The following IL1RAPL2 variants were observed in gnomAD, a reference collection of about 807,000 sequenced individuals.
IL1RAPL2 encodes X-linked interleukin-1 receptor accessory protein-like 2.
IL1RAPL2 carries 3 observed loss-of-function variants against 44.1 expected under a neutral mutation model. The observed-to-expected ratio is 0.07, with a 90% CI of 0.03 to 0.18. The LOEUF is 0.18. IL1RAPL2 is among the 10% of genes least tolerant of loss of function. IL1RAPL2 has a pLI of 1.00. For synonymous variants in IL1RAPL2, 181 were observed against 178.8 expected, an observed-to-expected ratio of 1.01 and a Z score of -0.10; for missense variants, 391 against 496.4, an observed-to-expected ratio of 0.79 and a Z score of 2.02.
At chrX:105,747,997 G>T (rs936710935) in intron 8 of IL1RAPL2, among the ~76,000 whole-genome samples, 3 of 110,996 alleles carry the variant, frequency 2.7e-5, no homozygotes, top group African/African-American at 9.8e-5. Context: ...ATACGTCTCT[G>T]GTCTGATGTC....
chrX:105,468,549 A>G (rs967857573), intron 5 of IL1RAPL2, among the ~76,000 whole-genome samples: 5 of 111,805 alleles, frequency 4.5e-5, no homozygotes, highest in Non-Finnish European at 5.6e-5. Context: ...ATTTCTTAAT[A>G]ATTTTTGAAC....
rs1018261891 is a variant in IL1RAPL2 at position 105,656,259 on chromosome X, C to A, written c.773-61108C>A. 7.2e-5 allele frequency among the ~76,000 whole-genome samples: 8 copies of A among 111,626 alleles called. No homozygotes were observed. In the East Asian group the frequency reaches 1.4e-3, roughly 20 times the overall value. ...AATTTTAATTTCCCATTTTAAAAAT[C>A]TTTTATTGTTGTAGAGGTTAGCAGG... is the stretch of plus-strand genomic sequence containing the variant. On this transcript the variant is annotated intron_variant, in intron 6 of 10. Transcript: ENST00000372582.
intron 2 of IL1RAPL2, among the ~76,000 whole-genome samples, chrX:104,940,890 C>T (rs1354070000): frequency 8.7e-5 from 7 of 80,543 alleles, no homozygotes; most frequent in Non-Finnish European, 1.6e-4. Context: ...CCCCACCCCA[C>T]AACATGCCCT....
intron 2 of IL1RAPL2, among the ~76,000 whole-genome samples, chrX:105,079,251 G>T (rs906849968): frequency 9.0e-6 from 1 of 111,367 alleles, no homozygotes; most frequent in African/African-American, 3.3e-5. Context: ...CATTGTGGAA[G>T]ACAGTGTGGA....
chrX:105,538,612 A>T (rs1224396185), intron 6 of IL1RAPL2, among the ~76,000 whole-genome samples: 1 of 111,418 alleles, frequency 9.0e-6, no homozygotes, highest in Non-Finnish European at 1.9e-5. Flanking sequence ...CTTCAGGCTG[A>T]TTTCATTTTC....
At chrX:104,775,254 G>A (rs969322045) in intron 2 of IL1RAPL2, among the ~76,000 whole-genome samples, 1 of 112,186 alleles carries the variant, frequency 8.9e-6, no homozygotes, top group Non-Finnish European at 1.9e-5. Flanking sequence ...CTACAATCAG[G>A]GTGGATGGTG....
At chrX:105,067,718 T>A (rs2032155064) in intron 2 of IL1RAPL2, among the ~76,000 whole-genome samples, 1 of 112,185 alleles carries the variant, frequency 8.9e-6, no homozygotes, top group South Asian at 3.7e-4. Context: ...TAAGTACATA[T>A]GATTAACTGA....
intron 2 of IL1RAPL2, among the ~76,000 whole-genome samples, chrX:104,918,377 G>A (rs1458087046): frequency 9.0e-6 from 1 of 111,285 alleles, no homozygotes; most frequent in African/African-American, 3.3e-5. Flanking sequence ...TCATCAACAA[G>A]TGATCATGTA....
At chrX:105,007,147 T>A (rs903593648) in intron 2 of IL1RAPL2, among the ~76,000 whole-genome samples, 31 of 111,087 alleles carry the variant, frequency 2.8e-4, no homozygotes, top group Non-Finnish European at 1.5e-4. Flanking sequence ...CTGAAAGAAA[T>A]GAAGTTACTT....
At chrX:105,077,872 C>T (rs1227999706) in intron 2 of IL1RAPL2, among the ~76,000 whole-genome samples, 1 of 107,437 alleles carries the variant, frequency 9.3e-6, no homozygotes, top group Admixed American at 1.0e-4. Flanking sequence ...AGTTCTCGTG[C>T]CATGGTTTTC....
At chrX:105,688,693 G>T (rs2038006976) in intron 6 of IL1RAPL2, among the ~76,000 whole-genome samples, 1 of 111,771 alleles carries the variant, frequency 8.9e-6, no homozygotes, top group African/African-American at 3.3e-5. Flanking sequence ...AGCTACCAAT[G>T]ACTTTCTTCA....
chrX:105,073,110 T>G (rs1356462937), intron 2 of IL1RAPL2, among the ~76,000 whole-genome samples: 1 of 106,629 alleles, frequency 9.4e-6, no homozygotes, highest in Admixed American at 1.0e-4. Context: ...TTGTTACATA[T>G]GTATACATGT....
At position 105,429,360 on chromosome X, in the gene IL1RAPL2, G is replaced by A. The variant is rs535503753; in HGVS notation, c.698-54953G>A. ...ATCAATCTGGCAGATTAAAGATACT[G>A]CAGGCATCCTTTATTGTCAGAGATT... On this transcript the variant is annotated intron_variant, in intron 5 of 10. Transcript: ENST00000372582. Among the ~76,000 whole-genome samples, 4 of 112,042 alleles carry A rather than the reference G, an allele frequency of 3.6e-5. No individual in the cohort carries two copies. In the South Asian group the frequency reaches 1.1e-3, roughly 31 times the overall value.
chrX:104,842,541 T>C (rs1921936495), intron 2 of IL1RAPL2, among the ~76,000 whole-genome samples: 1 of 112,183 alleles, frequency 8.9e-6, no homozygotes, highest in Admixed American at 9.4e-5. Context: ...CTACATTTGA[T>C]CTTGAGGCTG....
rs952877422 is a variant in IL1RAPL2 at position 105,552,788 on chromosome X, C to T, written c.772+68401C>T. On this transcript the variant is annotated intron_variant, in intron 6 of 10. Coordinates refer to ENST00000372582, the MANE Select transcript of IL1RAPL2 (RefSeq NM_017416.2). ...ACAGATACAGTTACTTTAACAGATA[C>T]GTGTCTATAATACTTAATATCAACA... Among the ~76,000 whole-genome samples the T allele has an allele frequency of 9.8e-5, 11 of 111,845 alleles. 1 individual carries two copies. Among genetic ancestry groups the T allele is most frequent in the African/African-American group, 2.3e-4 (7 of 30,731 alleles).
chrX:105,111,074 G>T (rs1449381306), intron 2 of IL1RAPL2, among the ~76,000 whole-genome samples: 1 of 111,659 alleles, frequency 9.0e-6, no homozygotes, highest in East Asian at 2.8e-4. Context: ...CTTTGGAAAA[G>T]AGTTGATAAA....
At chrX:105,735,525 A>G (rs1164077391) in intron 7 of IL1RAPL2, among the ~76,000 whole-genome samples, 2 of 110,780 alleles carry the variant, frequency 1.8e-5, no homozygotes, top group Non-Finnish European at 3.8e-5. Flanking sequence ...TCTCTTTAAT[A>G]CCTCTCTTTC....
rs192399167 is a variant in IL1RAPL2 at position 105,372,537 on chromosome X, C to T, written c.697+104996C>T. On this transcript the variant is annotated intron_variant, in intron 5 of 10. Transcript: ENST00000372582. ...ATGTGCAGTTTTGTTAATAGGTAAA[C>T]TTGTGTCATGGGGTTTGTTGTACGG... 3.0e-4 allele frequency among the ~76,000 whole-genome samples: 33 copies of T among 110,375 alleles called. No individual in the cohort carries two copies. The East Asian group carries it at 9.1e-3, about 31-fold the overall frequency.
rs1348340500 is a variant in IL1RAPL2 at position 104,904,716 on chromosome X, G to T, written c.82+245721G>T. 5.4e-4 allele frequency among the ~76,000 whole-genome samples: 59 copies of T among 109,295 alleles called. 1 individual carries two copies. In the South Asian group the frequency reaches 0.023, roughly 43 times the overall value. The allele number at this position is 109,295 out of a possible 115,157, so 94.9% of individuals were successfully genotyped here. A position where few individuals can be genotyped will look rare whatever the true frequency, so the allele number is the denominator to read the frequency against. ...CCAGTCTATCATTGTTGGACATTTG[G>T]GTTGGTTCCAAGTCTTTGCTATTGT... On this transcript the variant is annotated intron_variant, in intron 2 of 10. Coordinates refer to ENST00000372582, the MANE Select transcript of IL1RAPL2 (RefSeq NM_017416.2).
Sources: allele counts gnomAD v4.1 joint callset (sites outside exome capture counted in the v4.1 genomes callset), GRCh38; gene constraint gnomAD v4.1.1; transcripts MANE v1.5; gene names NCBI Gene and HGNC (gene_info 2026-07-23, HGNC 2026-07-21).